The following SYTL3 variants were observed in gnomAD, a reference collection of about 807,000 sequenced individuals.
SYTL3 encodes the protein synaptotagmin-like protein 3.
In SYTL3, 88 loss-of-function variants were observed where a neutral mutation model predicts 82.1. That is an observed-to-expected ratio of 1.07 (90% confidence interval 0.90 to 1.28). The LOEUF (loss-of-function observed/expected upper bound fraction) is 1.28, where lower values mean the gene tolerates loss of function less well. SYTL3 is among the 50% of genes most tolerant of loss of function. SYTL3 has a pLI of 0.00. For synonymous variants in SYTL3, 311 were observed against 289.4 expected (o/e 1.07, Z -0.76); for missense variants, 831 against 757.6 (o/e 1.10, Z -1.14).
chr6:158,672,887 G>A (rs933658615), intron 5 of SYTL3, among the ~76,000 whole-genome samples: 12 of 151,772 alleles, frequency 7.9e-5, no homozygotes, highest in African/African-American at 2.4e-4. Flanking sequence ...TGCCCGTCTC[G>A]GCCTCTCAAA....
intron 6 of SYTL3, among the ~76,000 whole-genome samples, chr6:158,697,717 C>G (rs1208842845): frequency 6.6e-6 from 1 of 151,848 alleles, no homozygotes; most frequent in Non-Finnish European, 1.5e-5. Context: ...AGAGAAAATC[C>G]AAAGGATGCT....
intron 2 of SYTL3, among the ~76,000 whole-genome samples, chr6:158,660,698 CACAA>C (rs1472617638): frequency 6.6e-6 from 1 of 152,168 alleles, no homozygotes; most frequent in African/African-American, 2.4e-5. Context: ...GAGAACGGAG[CACAA>C]ACAGCCACAT....
chr6:158,729,469 A>G (rs929913338), intron 11 of SYTL3, among the ~76,000 whole-genome samples: 2 of 152,082 alleles, frequency 1.3e-5, no homozygotes, highest in African/African-American at 2.4e-5. Flanking sequence ...TCTTCATACT[A>G]TCACATTGGC....
At chr6:158,650,470 G>A (rs1026162813) in intron 1 of SYTL3, among the ~76,000 whole-genome samples, 1 of 151,756 alleles carries the variant, frequency 6.6e-6, no homozygotes, top group East Asian at 1.9e-4. Context: ...CGACTTTATT[G>A]TTTTGATCAT....
intron 11 of SYTL3, among the ~76,000 whole-genome samples, chr6:158,737,001 T>C (rs1786261538): frequency 6.7e-6 from 1 of 149,636 alleles, no homozygotes; most frequent in Non-Finnish European, 1.5e-5. Context: ...TGTTTAATCC[T>C]ATATGTTATA....
intron 2 of SYTL3, among the ~76,000 whole-genome samples, chr6:158,656,266 G>A (rs1181372505): frequency 6.6e-6 from 1 of 151,974 alleles, no homozygotes. Context: ...CAGGTGTCCT[G>A]TCCTTTCCTG....
Position 158,756,718 on chromosome 6 carries a change from A to ATTT in SYTL3, c.1138-493_1138-492insTTT, listed in dbSNP as rs1554266255. Among the ~76,000 whole-genome samples, 72 of 47,364 alleles carry ATTT rather than the reference A, an allele frequency of 1.5e-3. 1 individual carries two copies. Among genetic ancestry groups the ATTT allele is most frequent in the East Asian group, 4.9e-3 (1 of 204 alleles). 31.1% of individuals were successfully genotyped at this position (47,364 alleles called of 152,430 possible). A position where few individuals can be genotyped will look rare whatever the true frequency, so the allele number is the denominator to read the frequency against. ...AGAGCGAGATCCTGTCTCAAAAAAA[A>ATTT]ATTTTTTTTTTTTTTTTTTTTTTTT... is the stretch of plus-strand genomic sequence containing the variant. On this transcript the variant is annotated intron_variant, in intron 13 of 17. Coordinates refer to ENST00000611299, the MANE Select transcript of SYTL3 (RefSeq NM_001242394.2).
intron 6 of SYTL3, among the ~76,000 whole-genome samples, chr6:158,704,410 G>C (rs1781725490): frequency 6.6e-6 from 1 of 152,266 alleles, no homozygotes; most frequent in African/African-American, 2.4e-5. Context: ...CCCGGTCCGT[G>C]CAGGAGCCGC....
intron 5 of SYTL3, among the ~76,000 whole-genome samples, chr6:158,677,628 C>T (rs1019438833): frequency 6.7e-6 from 1 of 149,330 alleles, no homozygotes; most frequent in Non-Finnish European, 1.5e-5. Flanking sequence ...TCACTTGAAC[C>T]CGGGAGGCAG....
chr6:158,757,607 C>CT (rs397886061), intron 14 of SYTL3, among the ~76,000 whole-genome samples: 2 of 152,036 alleles, frequency 1.3e-5, no homozygotes, highest in East Asian at 1.9e-4. Context: ...GAACAGCCCC[C>CT]GCCTCAGCAT....
At chr6:158,654,579 G>A (rs1368754356) in intron 2 of SYTL3, among the ~76,000 whole-genome samples, 1 of 152,216 alleles carries the variant, frequency 6.6e-6, no homozygotes, top group Non-Finnish European at 1.5e-5. Context: ...AAGGGTAGAA[G>A]AAACCCTTTT....
chr6:158,692,425 T>G (rs990644485), intron 6 of SYTL3, among the ~76,000 whole-genome samples: 3 of 152,176 alleles, frequency 2.0e-5, no homozygotes, highest in Non-Finnish European at 4.4e-5. Flanking sequence ...ATTCATCATG[T>G]AACTAACCAG....
intron 6 of SYTL3, among the ~76,000 whole-genome samples, chr6:158,683,569 C>T (rs1313431202): frequency 6.6e-6 from 1 of 152,158 alleles, no homozygotes; most frequent in African/African-American, 2.4e-5. Context: ...TCCCTGGCTT[C>T]CTGCTTCTAG....
At chr6:158,761,183 G>A (rs58007859) in intron 15 of SYTL3, among the ~76,000 whole-genome samples, 7,559 of 152,272 alleles carry the variant, frequency 0.05, 616 homozygotes, top group African/African-American at 0.17. Context: ...TAGGTCAGGA[G>A]GGAGGGTCCT....
At position 158,729,397 on chromosome 6, in the gene SYTL3, G is replaced by T. The variant is rs538065734; in HGVS notation, c.855+3760G>T. Among the ~76,000 whole-genome samples, 58 of 152,000 alleles carry T rather than the reference G, an allele frequency of 3.8e-4. 1 individual carries two copies. Among genetic ancestry groups the T allele is most frequent in the African/African-American group, 1.4e-3 (58 of 41,450 alleles). On this transcript the variant is annotated intron_variant, in intron 11 of 17. Coordinates refer to ENST00000611299, the MANE Select transcript of SYTL3 (RefSeq NM_001242394.2). ...GTGCTGTGTGCAGCCTCTTATAAAG[G>T]CCTGAATCCCATTCACTAGAGCCCC...
intron 5 of SYTL3, among the ~76,000 whole-genome samples, chr6:158,669,865 G>A (rs1279899117): frequency 6.6e-6 from 1 of 152,230 alleles, no homozygotes; most frequent in East Asian, 1.9e-4. Flanking sequence ...CTCATGGAAT[G>A]CCCAAGCGGG....
intron 16 of SYTL3, 34 bp from the exon 17 acceptor site, chr6:158,763,270 G>A (rs1453791234): frequency 6.2e-7 from 1 of 1,604,980 alleles, no homozygotes; most frequent in Non-Finnish European, 8.5e-7. Context: ...CCGTGTGGAT[G>A]GCAATGATTG....
intron 6 of SYTL3, among the ~76,000 whole-genome samples, chr6:158,701,655 G>A (rs1216188503): frequency 6.6e-6 from 1 of 151,772 alleles, no homozygotes; most frequent in Non-Finnish European, 1.5e-5. Context: ...GGCAGAAAGG[G>A]ACAGTGGAGA....
In SYTL3 at chr6:158,708,372, G is replaced by GC; in HGVS notation, c.498dup (p.Ser167GlnfsTer14). On this transcript the variant is annotated frameshift_variant, in exon 8 of 18. Transcript: ENST00000611299. LOFTEE classifies it high-confidence loss of function. Reference sequence around the variant, plus strand: ...CCACCTCCTGTCAGCGAGAGCCAGTGCAGCCGCAGTCCTGGCAGGGTAACG... The same window carrying GC: ...CCACCTCCTGTCAGCGAGAGCCAGTGCCAGCCGCAGTCCTGGCAGGGTAACG... 3 of 1,614,156 alleles carry GC rather than the reference G, an allele frequency of 1.9e-6. No individual in the cohort carries two copies. Among genetic ancestry groups the GC allele is most frequent in the Non-Finnish European group, 2.5e-6 (3 of 1,180,008 alleles).
Sources: gnomAD v4.1 joint callset for allele counts (sites outside exome capture counted in the v4.1 genomes callset) on GRCh38, gnomAD v4.1.1 for gene constraint, MANE v1.5 for transcripts, NCBI Gene and HGNC (gene_info 2026-07-23, HGNC 2026-07-21) for gene names.